The following OPN5 variants were observed in gnomAD, a reference collection of about 807,000 sequenced individuals.
OPN5 encodes opsin-5.
Under a neutral mutation model 41.7 loss-of-function variants are expected in OPN5, and 18 were observed. That is an observed-to-expected ratio of 0.43 (90% CI 0.30 to 0.64). The LOEUF (loss-of-function observed/expected upper bound fraction) is 0.64, where lower values mean the gene tolerates loss of function less well. Among genes scored for constraint, OPN5 ranks in the 30% least tolerant of loss-of-function variants. OPN5 has a pLI of 0.13. For synonymous variants in OPN5, 178 were observed against 164.3 expected, an observed-to-expected ratio of 1.08 and a Z score of -0.64; for missense variants, 318 against 434.5, an observed-to-expected ratio of 0.73 and a Z score of 2.38.
downstream of OPN5, chr6:47,825,161 G>A (rs1010366983): frequency 6.6e-6 from 1 of 152,180 alleles, no homozygotes; most frequent in Non-Finnish European, 1.5e-5. Context: ...ACAAATCTTG[G>A]TGACAGGTAG....
intron 2 of OPN5, among the ~76,000 whole-genome samples, 157 bp from the exon 3 acceptor site, chr6:47,791,645 T>A (rs942140969): frequency 2.6e-5 from 4 of 152,240 alleles, no homozygotes; most frequent in African/African-American, 9.6e-5. Context: ...AGATAACTGC[T>A]GGGCTTTTAT....
downstream of OPN5, chr6:47,825,957 G>A (rs1240012629): frequency 1.3e-5 from 2 of 152,024 alleles, no homozygotes; most frequent in East Asian, 3.9e-4. Context: ...GTAGACCTCG[G>A]GAGGTTAGCC....
intron 1 of OPN5, among the ~76,000 whole-genome samples, chr6:47,783,313 T>A (rs1048038661): frequency 3.3e-5 from 5 of 152,198 alleles, no homozygotes; most frequent in Non-Finnish European, 7.3e-5. Context: ...TTGCCTTTAA[T>A]TTTTTCAGAT....
intron 6 of OPN5, among the ~76,000 whole-genome samples, chr6:47,817,374 G>A (rs1762461249): frequency 6.6e-6 from 1 of 152,124 alleles, no homozygotes; most frequent in Admixed American, 6.6e-5. Context: ...GAAATTTTCA[G>A]TTATCAAGAC....
intron 6 of OPN5, among the ~76,000 whole-genome samples, chr6:47,814,252 A>G (rs1762365509): frequency 6.6e-6 from 1 of 151,948 alleles, no homozygotes; most frequent in South Asian, 2.1e-4. Flanking sequence ...GGAGAAAAGA[A>G]CACTCAGGTT....
intron 6 of OPN5, among the ~76,000 whole-genome samples, chr6:47,823,184 T>C (rs919765620): frequency 6.6e-6 from 1 of 152,220 alleles, no homozygotes; most frequent in Non-Finnish European, 1.5e-5. Flanking sequence ...AAGGAGCTTA[T>C]ACTTAAACAG....
At chr6:47,818,943 C>T (rs1188611834) in intron 6 of OPN5, among the ~76,000 whole-genome samples, 1 of 152,016 alleles carries the variant, frequency 6.6e-6, no homozygotes, top group Non-Finnish European at 1.5e-5. Context: ...AGAGAATTTC[C>T]TGTCTCATTC....
chr6:47,786,548 T>C (rs1423585065), exon 2 of OPN5: 1 of 1,609,776 alleles, frequency 6.2e-7, no homozygotes, highest in African/African-American at 1.3e-5. Context: ...GGATATGTCC[T>C]TTACATGTCT....
intron 4 of OPN5, among the ~76,000 whole-genome samples, chr6:47,805,115 T>C (rs990964471): frequency 1.3e-5 from 2 of 152,200 alleles, no homozygotes; most frequent in African/African-American, 4.8e-5. Context: ...TTTGGGGATT[T>C]AGAAAAAGAA....
chr6:47,818,300 A>G (rs1379178864), intron 6 of OPN5, among the ~76,000 whole-genome samples: 1 of 152,202 alleles, frequency 6.6e-6, no homozygotes, highest in African/African-American at 2.4e-5. Flanking sequence ...GAATCTACAC[A>G]TTTTGACATT....
At chr6:47,786,956 C>A in intron 2 of OPN5, 1 of 517,440 alleles carries the variant, frequency 1.9e-6, no homozygotes, top group Non-Finnish European at 2.6e-6. Context: ...AATCAGGAGG[C>A]AAATCCCAGG....
At chr6:47,782,093 T>TCAGGACGAGCGCCTGCCC (rs1450418350) in exon 1 of OPN5, 1 of 1,613,762 alleles carries the variant, frequency 6.2e-7, no homozygotes, top group South Asian at 1.1e-5. Flanking sequence ...CTGCCCTGCC[T>TCAGGACGAGCGCCTGCCC]CAGGACGAGC....
At chr6:47,808,829 G>T (rs1774079354) in intron 5 of OPN5, among the ~76,000 whole-genome samples, 1 of 152,140 alleles carries the variant, frequency 6.6e-6, no homozygotes, top group Admixed American at 6.5e-5. Flanking sequence ...AGGAAGGAAG[G>T]GGAGAAGGGA....
intron 6 of OPN5, among the ~76,000 whole-genome samples, chr6:47,813,909 A>T (rs1478552479): frequency 1.3e-5 from 2 of 152,070 alleles, no homozygotes; most frequent in Non-Finnish European, 2.9e-5. Context: ...AGGAAAGTGA[A>T]TGGGATGGGG....
At chr6:47,795,287 T>G in exon 4 of OPN5, 4 of 1,613,572 alleles carry the variant, frequency 2.5e-6, no homozygotes, top group Non-Finnish European at 3.4e-6. Flanking sequence ...GGGCCTATGC[T>G]TCCTTCTGGA....
At chr6:47,809,813 T>C (rs1774120718) in intron 5 of OPN5, among the ~76,000 whole-genome samples, 1 of 152,228 alleles carries the variant, frequency 6.6e-6, no homozygotes, top group African/African-American at 2.4e-5. Context: ...CACTGGCTAT[T>C]GATATTTTGT....
chr6:47,811,289 A>G (rs1299290104), intron 5 of OPN5, among the ~76,000 whole-genome samples: 1 of 152,172 alleles, frequency 6.6e-6, no homozygotes, highest in East Asian at 1.9e-4. Flanking sequence ...TGGCATTGCT[A>G]TCATAATCAA....
chr6:47,825,540 A>G (rs997204135), downstream of OPN5: 3 of 152,172 alleles, frequency 2.0e-5, no homozygotes, highest in African/African-American at 7.2e-5. Flanking sequence ...CTTCAGTTAA[A>G]ATGACAGATG....
rs887097003 is a variant in OPN5, at chr6:47,799,058, G to A, written c.756+3495G>A. ...GCCAGTATTCTGCCGGTCTGATCTC[G>A]TGAAGCTAAAAGTTGGCATTCTGTC... On this transcript the variant is annotated intron_variant, in intron 4 of 6. Transcript: ENST00000371211. Among the ~76,000 whole-genome samples the A allele has an allele frequency of 6.6e-5, 10 of 152,198 alleles. No individual in the cohort carries two copies. In the South Asian group the frequency reaches 1.7e-3, roughly 25 times the overall value.
Sources: allele counts gnomAD v4.1 joint callset (sites outside exome capture counted in the v4.1 genomes callset), GRCh38; gene constraint gnomAD v4.1.1; transcripts MANE v1.5; gene names NCBI Gene and HGNC (gene_info 2026-07-23, HGNC 2026-07-21).